The following GK3 variants were observed in gnomAD, a reference collection of about 807,000 sequenced individuals.
GK3 encodes glycerol kinase 3 pseudogene.
the GK3 span, chr4:165,278,670 C>G: frequency 8.8e-6 from 14 of 1,599,376 alleles, no homozygotes; most frequent in Admixed American, 1.7e-5. Context: ...ATAACAGCAC[C>G]AGCTATAGCT....
the GK3 span, chr4:165,278,014 G>A: frequency 1.4e-5 from 21 of 1,461,652 alleles, no homozygotes; most frequent in South Asian, 5.7e-5. Flanking sequence ...ACCTTGCTCC[G>A]ATTAACATTG....
the GK3 span, chr4:165,278,807 C>A: frequency 2.6e-6 from 4 of 1,543,044 alleles, no homozygotes; most frequent in African/African-American, 4.1e-5. Flanking sequence ...ACATCCTGTT[C>A]CATACGTATT....
At chr4:165,279,286 C>T in the GK3 span, 4 of 1,542,328 alleles carry the variant, frequency 2.6e-6, no homozygotes, top group African/African-American at 5.4e-5. Context: ...CAACGGTAGA[C>T]TGTGTTCTTA....
chr4:165,278,523 T>C, the GK3 span: 1 of 1,609,076 alleles, frequency 6.2e-7, no homozygotes, highest in East Asian at 2.2e-5. Context: ...CCTCTTGCGC[T>C]GGGCTCCCAA....
chr4:165,278,111 C>T, the GK3 span: 1 of 1,556,910 alleles, frequency 6.4e-7, no homozygotes, highest in South Asian at 1.1e-5. Context: ...TGTAACCCAA[C>T]CCATTGACTT....
the GK3 span, chr4:165,278,044 A>G: frequency 2.0e-6 from 3 of 1,526,150 alleles, no homozygotes; most frequent in South Asian, 3.4e-5. Flanking sequence ...TCACTATAAA[A>G]AAGCCCAAGG....
At chr4:165,279,418 T>C in the GK3 span, 4 of 1,598,022 alleles carry the variant, frequency 2.5e-6, no homozygotes, top group African/African-American at 4.0e-5. Flanking sequence ...TATTGAGCTG[T>C]CCAAGTTTCT....
the GK3 span, chr4:165,278,708 G>T: frequency 6.2e-7 from 1 of 1,603,420 alleles, no homozygotes. Context: ...GTAATATACC[G>T]GTTTGTCTCT....
the GK3 span, chr4:165,279,224 G>T: frequency 2.0e-6 from 3 of 1,533,020 alleles, no homozygotes; most frequent in African/African-American, 2.7e-5. Context: ...TGGAAGGCCT[G>T]TCTTGGACTT....
chr4:165,279,354 C>T, the GK3 span: 118 of 1,580,296 alleles, frequency 7.5e-5, no homozygotes, highest in South Asian at 7.4e-4. Flanking sequence ...TCCCAGACTA[C>T]GGTGGTTTCC....
At chr4:165,278,045 A>C in the GK3 span, 2 of 1,526,694 alleles carry the variant, frequency 1.3e-6, no homozygotes, top group Non-Finnish European at 1.8e-6. Context: ...CACTATAAAA[A>C]AGCCCAAGGG....
the GK3 span, chr4:165,278,190 G>T: frequency 1.5e-6 from 2 of 1,292,744 alleles, no homozygotes; most frequent in Non-Finnish European, 2.3e-6. Flanking sequence ...GGTTCAAACC[G>T]CTCCATCGTG....
At chr4:165,278,779 T>C in the GK3 span, 2 of 1,550,640 alleles carry the variant, frequency 1.3e-6, no homozygotes, top group East Asian at 4.5e-5. Context: ...ACTTATGGCC[T>C]GTATTACATA....
chr4:165,278,967 T>A, the GK3 span: 1 of 1,496,548 alleles, frequency 6.7e-7, no homozygotes, highest in African/African-American at 1.4e-5. Flanking sequence ...AGAATTTCCA[T>A]TGGAATTCCA....
the GK3 span, chr4:165,279,619 C>T: frequency 6.2e-7 from 1 of 1,611,512 alleles, no homozygotes; most frequent in Non-Finnish European, 8.5e-7. Flanking sequence ...CCAATGGCCC[C>T]AAAACTGCCT....
chr4:165,278,483 T>C, the GK3 span: 31 of 1,592,078 alleles, frequency 1.9e-5, no homozygotes, highest in Non-Finnish European at 2.4e-5. Context: ...ATGGCATTTA[T>C]TCGTGAATTG....
chr4:165,278,485 C>G, the GK3 span: 10 of 1,593,758 alleles, frequency 6.3e-6, no homozygotes, highest in Non-Finnish European at 8.6e-6. Flanking sequence ...GGCATTTATT[C>G]GTGAATTGAG....
At chr4:165,278,852 A>T in the GK3 span, 1 of 1,528,088 alleles carries the variant, frequency 6.5e-7, no homozygotes, top group Non-Finnish European at 9.1e-7. Context: ...CATTTGTCCC[A>T]CCAGTGCAGC....
At chr4:165,278,876 A>G in the GK3 span, 4 of 1,496,854 alleles carry the variant, frequency 2.7e-6, no homozygotes, top group Non-Finnish European at 3.7e-6. Context: ...CTGGTCCCCT[A>G]AACACCCAGA....
Sources: gnomAD v4.1 joint callset for allele counts on GRCh38, gnomAD v4.1.1 for gene constraint, MANE v1.5 for transcripts, NCBI Gene and HGNC (gene_info 2026-07-23, HGNC 2026-07-21) for gene names.